TNRC6B: variants seen among roughly 807,000 people sequenced by gnomAD.
The protein encoded by TNRC6B is trinucleotide repeat containing adaptor 6B, also known as trinucleotide repeat-containing gene 6B protein.
Under a neutral mutation model 203.6 loss-of-function variants are expected in TNRC6B, and 52 were observed. The ratio of observed to expected loss-of-function variants is 0.26; its 90% CI spans 0.20 to 0.32. The LOEUF is 0.32. TNRC6B is among the 10% of genes least tolerant of loss of function. The pLI is 1.00. For missense variants in TNRC6B, 1,923 were observed against 2,286.2 expected (o/e 0.84, Z 3.24); for synonymous variants, 838 against 845.7 (o/e 0.99, Z 0.16).
intron 4 of TNRC6B, among the ~76,000 whole-genome samples, chr22:40,263,442 G>A (rs1444862080): frequency 2.0e-5 from 3 of 152,200 alleles, no homozygotes; most frequent in East Asian, 1.9e-4. Context: ...CCTGTCAGGC[G>A]GAGTTTCTGC....
intron 1 of TNRC6B, among the ~76,000 whole-genome samples, chr22:40,088,242 T>C (rs181376841): frequency 6.6e-6 from 1 of 152,220 alleles, no homozygotes; most frequent in African/African-American, 2.4e-5. Flanking sequence ...TCTGAAAAAT[T>C]AGGTAGTTCC....
chr22:40,115,774 G>A (rs1002407358), intron 1 of TNRC6B, among the ~76,000 whole-genome samples: 3 of 152,194 alleles, frequency 2.0e-5, no homozygotes, highest in African/African-American at 7.2e-5. Context: ...ACATTAATGT[G>A]TGTGTTGTGA....
chr22:40,272,722 T>G (rs531749548), intron 6 of TNRC6B, among the ~76,000 whole-genome samples: 35 of 152,366 alleles, frequency 2.3e-4, no homozygotes, highest in African/African-American at 8.2e-4. Context: ...TAAAGCCTCT[T>G]GGATTTCTCT....
intron 1 of TNRC6B, among the ~76,000 whole-genome samples, chr22:40,203,739 T>C (rs1036052314): frequency 6.6e-6 from 1 of 152,218 alleles, no homozygotes; most frequent in Non-Finnish European, 1.5e-5. Flanking sequence ...TTGTTTTCAT[T>C]TCCTGCCACA....
chr22:40,079,571 G>GTATA (rs536120086), intron 1 of TNRC6B, among the ~76,000 whole-genome samples: 2 of 147,694 alleles, frequency 1.4e-5, no homozygotes, highest in African/African-American at 5.3e-5. Flanking sequence ...CCAAATCTAA[G>GTATA]TATATATATA....
rs919336888 is a variant in TNRC6B at position 40,238,977 on chromosome 22, C to T, written c.6-7038C>T. On this transcript the variant is annotated intron_variant, in intron 1 of 22. Coordinates refer to ENST00000454349, the MANE Select transcript of TNRC6B (RefSeq NM_001162501.2). ...TAGCACTTTGGGAGGCCAAGGTGGG[C>T]GGATCACTTGAGGTCAGGAGTTCAA... Among the ~76,000 whole-genome samples the T allele has an allele frequency of 2.0e-5, 3 of 151,702 alleles. No individual in the cohort carries two copies. The East Asian group carries it at 5.8e-4, about 30-fold the overall frequency.
At chr22:40,105,702 G>A (rs894572242) in intron 1 of TNRC6B, among the ~76,000 whole-genome samples, 2 of 152,130 alleles carry the variant, frequency 1.3e-5, no homozygotes, top group African/African-American at 4.8e-5. Flanking sequence ...AGGATATTTG[G>A]GTTGTTCCCA....
chr22:40,208,039 G>A (rs551253697), intron 1 of TNRC6B, among the ~76,000 whole-genome samples: 28 of 151,308 alleles, frequency 1.9e-4, no homozygotes, highest in Non-Finnish European at 3.2e-4. Context: ...GCGGGAACCC[G>A]GGAGGCGGAG....
intron 3 of TNRC6B, among the ~76,000 whole-genome samples, chr22:40,126,654 G>A (rs924898775): frequency 8.0e-6 from 1 of 124,852 alleles, no homozygotes; most frequent in Non-Finnish European, 1.6e-5. Flanking sequence ...GCAGTCATAC[G>A]ATCTTGACTC....
intron 2 of TNRC6B, among the ~76,000 whole-genome samples, chr22:40,250,918 A>G (rs1000910493): frequency 3.4e-5 from 5 of 146,520 alleles, no homozygotes; most frequent in African/African-American, 7.5e-5. Context: ...ACCTCATCGT[A>G]TAATGAGTGG....
chr22:40,288,932 G>A (rs538585533), intron 12 of TNRC6B, among the ~76,000 whole-genome samples: 111 of 147,250 alleles, frequency 7.5e-4, no homozygotes, highest in Non-Finnish European at 1.6e-3. Flanking sequence ...TTGTGCCTCA[G>A]CCTCCTGAGT....
chr22:40,296,326 ATT>A (rs951987835), intron 12 of TNRC6B, among the ~76,000 whole-genome samples: 14 of 125,430 alleles, frequency 1.1e-4, no homozygotes, highest in East Asian at 2.2e-4. Flanking sequence ...AGAATGGTGA[ATT>A]TTTTTTTTTT....
At chr22:40,224,130 T>C (rs1156852852) in intron 1 of TNRC6B, among the ~76,000 whole-genome samples, 2 of 152,040 alleles carry the variant, frequency 1.3e-5, no homozygotes, top group African/African-American at 4.8e-5. Flanking sequence ...CCTCAGCCTC[T>C]CGTAGCTGGG....
At chr22:40,148,264 C>T (rs1601841763) in intron 3 of TNRC6B, among the ~76,000 whole-genome samples, 1 of 151,720 alleles carries the variant, frequency 6.6e-6, no homozygotes, top group African/African-American at 2.4e-5. Flanking sequence ...ATGGCTACAA[C>T]CACGTTGGAA....
At chr22:40,313,043 T>G (rs2071208238) in intron 19 of TNRC6B, 46 bp downstream of exon 19, 1 of 1,467,746 alleles carries the variant, frequency 6.8e-7, no homozygotes, top group Admixed American at 1.8e-5. Context: ...CACTTTTTCA[T>G]CAGGTTCCCT....
intron 2 of TNRC6B, among the ~76,000 whole-genome samples, chr22:40,119,312 G>A (rs1170607618): frequency 1.3e-5 from 2 of 152,210 alleles, no homozygotes; most frequent in African/African-American, 2.4e-5. Context: ...GGTCGGACAC[G>A]GTGGCTCACG....
At chr22:40,170,931 C>A (rs1249645749) in intron 4 of TNRC6B, among the ~76,000 whole-genome samples, 10 of 138,704 alleles carry the variant, frequency 7.2e-5, no homozygotes, top group East Asian at 2.2e-4. Context: ...ATATATACAC[C>A]CATATATGTA....
chr22:40,322,960 G>A lies in TNRC6B; in HGVS notation c.5221G>A (p.Ala1741Thr). 1 of 1,613,012 alleles carries A rather than the reference G, an allele frequency of 6.2e-7. No individual in the cohort carries two copies. Among genetic ancestry groups the A allele is most frequent in the Non-Finnish European group, 8.5e-7 (1 of 1,179,440 alleles). The change falls in exon 23 of 23, where the codon GCG becomes ACG. Residue 1741 changes from alanine to threonine, a missense_variant. Ala to Thr is a moderately conservative substitution (Grantham distance 58). Coordinates refer to ENST00000454349, the MANE Select transcript of TNRC6B (RefSeq NM_001162501.2). ...CCCTACACCTGCAGCAACCCCAAGT[G>A]CGCCAGCTGCGGGGTGGCAGTCGCT... ...QPPTPAATPS[A>T]PAAGWQSLET...
At chr22:40,149,870 C>T (rs962922757) in intron 3 of TNRC6B, among the ~76,000 whole-genome samples, 2 of 152,052 alleles carry the variant, frequency 1.3e-5, no homozygotes, top group Admixed American at 6.6e-5. Context: ...GCCATCATAG[C>T]TCACTGCAGC....
Sources: allele counts gnomAD v4.1 joint callset (sites outside exome capture counted in the v4.1 genomes callset), GRCh38; gene constraint gnomAD v4.1.1; transcripts MANE v1.5; gene names NCBI Gene and HGNC (gene_info 2026-07-23, HGNC 2026-07-21).